The following ANKRD29 variants were observed in gnomAD, a reference collection of about 807,000 sequenced individuals.
ANKRD29 encodes ankyrin repeat domain-containing protein 29.
Under a neutral mutation model 38.0 loss-of-function variants are expected in ANKRD29, and 32 were observed. The observed-to-expected ratio is 0.84, with a 90% CI of 0.64 to 1.13. The LOEUF (loss-of-function observed/expected upper bound fraction) is 1.13. Among genes scored for constraint, ANKRD29 ranks in the 50% most tolerant of loss-of-function variants. ANKRD29 has a pLI of 0.00. For missense variants in ANKRD29, 357 were observed against 377.9 expected (o/e 0.94, Z 0.46); for synonymous variants, 135 against 152.4 (o/e 0.89, Z 0.84).
chr18:23,651,162 C>A (rs1414517363), intron 1 of ANKRD29, among the ~76,000 whole-genome samples: 5 of 152,172 alleles, frequency 3.3e-5, no homozygotes, highest in African/African-American at 7.2e-5. Context: ...CAGGCGTACG[C>A]CCTTGTACAT....
At position 23,645,297 on chromosome 18, in the gene ANKRD29, T is replaced by A. The variant is rs565486150; in HGVS notation, c.231+892A>T. The stretch of plus-strand genomic sequence containing the variant: ...TTTCTCAGAATTGAGCCCCAAAGTA[T>A]GTTAAAATGTCCCAGCCTAGGCAAT... On this transcript the variant is annotated intron_variant, in intron 3 of 9. Transcript: ENST00000592179. Among the ~76,000 whole-genome samples, 13 of 152,292 alleles carry A rather than the reference T, an allele frequency of 8.5e-5. No individual in the cohort carries two copies. In the South Asian group the frequency reaches 2.7e-3, roughly 32 times the overall value.
At chr18:23,631,600 T>C (rs1487579806) in intron 5 of ANKRD29, among the ~76,000 whole-genome samples, 1 of 152,060 alleles carries the variant, frequency 6.6e-6, no homozygotes, top group African/African-American at 2.4e-5. Context: ...AAAAGAACCC[T>C]GAAAGATGTT....
At chr18:23,662,620 C>G in intron 1 of ANKRD29, 90 bp downstream of exon 1, 1 of 406,726 alleles carries the variant, frequency 2.5e-6, no homozygotes, top group African/African-American at 2.4e-5. Context: ...AGCGCCCACC[C>G]CATCCCACCC....
chr18:23,650,929 A>AT (rs2060203139), intron 1 of ANKRD29, among the ~76,000 whole-genome samples: 1 of 152,210 alleles, frequency 6.6e-6, no homozygotes, highest in Admixed American at 6.5e-5. Flanking sequence ...TAATGAAAGC[A>AT]TTTTTTGTGA....
chr18:23,636,629 A>C (rs1048501307), intron 4 of ANKRD29, among the ~76,000 whole-genome samples: 8 of 152,076 alleles, frequency 5.3e-5, no homozygotes, highest in African/African-American at 1.9e-4. Context: ...GCTGGAGTGC[A>C]GTGGCGCAAT....
In ANKRD29 at chr18:23,631,040, AC is replaced by A. The variant is rs1170533103; in HGVS notation, c.430-1090del. On this transcript the variant is annotated intron_variant, in intron 5 of 9. Transcript: ENST00000592179. ...GTGTCCTTTTAATTAGATCTTTCCT[AC>A]CCTTTTCTCTTTCTTGTCCCCTTAT... is the stretch of plus-strand genomic sequence containing the variant. Among the ~76,000 whole-genome samples, 15 of 151,414 alleles carry A rather than the reference AC, an allele frequency of 9.9e-5. No homozygotes were observed. In the South Asian group the frequency reaches 1.9e-3, roughly 19 times the overall value.
intron 9 of ANKRD29, among the ~76,000 whole-genome samples, chr18:23,606,676 T>C (rs1670741691): frequency 6.6e-6 from 1 of 152,056 alleles, no homozygotes; most frequent in African/African-American, 2.4e-5. Flanking sequence ...GGATCCCACT[T>C]TGAGAAATGT....
At position 23,601,022 on chromosome 18, in the gene ANKRD29, T is replaced by C. The variant is rs969785633; in HGVS notation, c.*204A>G. 9.1e-5 allele frequency: 44 copies of C among 485,782 alleles called. No individual in the cohort carries two copies. The highest frequency in any genetic ancestry group is 1.1e-4 in the Non-Finnish European group (29 of 270,918). 30.1% of individuals were successfully genotyped at this position (485,782 alleles called of 1,614,324 possible). On this transcript the variant is annotated 3_prime_UTR_variant, in exon 10 of 10. Coordinates refer to ENST00000592179, the MANE Select transcript of ANKRD29 (RefSeq NM_173505.4). The stretch of plus-strand genomic sequence containing the variant: ...GTTACAGGACACCATGAGAAGTCCA[T>C]GGTGAAGGGGCAAGAGGGTCCCTGA...
At chr18:23,618,540 A>C (rs2059752552) in intron 7 of ANKRD29, 1 of 152,212 alleles carries the variant, frequency 6.6e-6, no homozygotes, top group Admixed American at 6.5e-5. Context: ...AGACCGTGCC[A>C]CTGCACTCCA....
chr18:23,646,231 C>T lies in ANKRD29; in HGVS notation c.189G>A (p.Arg63=). The change falls in exon 3 of 10, where the codon AGG becomes AGA. Residue 63 remains arginine, a synonymous_variant. Coordinates refer to ENST00000592179, the MANE Select transcript of ANKRD29 (RefSeq NM_173505.4). ...TGTCTGCTCCTTGCAGAACCAGTTC[C>T]CTCACACAGTCTATGTGGCCAGCGT... The part of the protein sequence containing the change: ...AAYAGHIDCV[R]ELVLQGADIN... 1 of 1,614,160 alleles carries T rather than the reference C, an allele frequency of 6.2e-7. No individual in the cohort carries two copies. Among genetic ancestry groups the T allele is most frequent in the Non-Finnish European group, 8.5e-7 (1 of 1,180,024 alleles).
intron 3 of ANKRD29, among the ~76,000 whole-genome samples, chr18:23,641,955 T>C (rs1023956693): frequency 6.6e-6 from 1 of 152,082 alleles, no homozygotes; most frequent in Middle Eastern, 3.4e-3. Context: ...CCTCAGATCA[T>C]CAGGATGACT....
intron 9 of ANKRD29, among the ~76,000 whole-genome samples, chr18:23,606,202 C>G (rs1599054598): frequency 6.6e-6 from 1 of 152,276 alleles, no homozygotes; most frequent in East Asian, 1.9e-4. Context: ...GCCTTGAACT[C>G]CTGGGTTCAA....
In ANKRD29 at chr18:23,621,745, G is replaced by A. The variant is rs547218580; in HGVS notation, c.529-2116C>T. The stretch of plus-strand genomic sequence containing the variant: ...ACTGGAGTACAGTGGCATGATCAAG[G>A]CTCACTGTAGCCTCAACATCCTGGG... On this transcript the variant is annotated intron_variant, in intron 6 of 9. Transcript: ENST00000592179. 3.3e-5 allele frequency among the ~76,000 whole-genome samples: 5 copies of A among 152,196 alleles called. No individual in the cohort carries two copies. In the South Asian group the frequency reaches 8.3e-4, roughly 25 times the overall value.
intron 1 of ANKRD29, among the ~76,000 whole-genome samples, chr18:23,661,564 T>C (rs2060361927): frequency 6.6e-6 from 1 of 152,090 alleles, no homozygotes; most frequent in African/African-American, 2.4e-5. Context: ...AAAAATTAGC[T>C]GGGCATGGTG....
At chr18:23,613,444 T>C (rs2145644966) in intron 8 of ANKRD29, among the ~76,000 whole-genome samples, 1 of 152,108 alleles carries the variant, frequency 6.6e-6, no homozygotes, top group South Asian at 2.1e-4. Context: ...AGGGCTGGGA[T>C]TACAGGTGTG....
At chr18:23,616,415 G>A (rs1415156995) in intron 8 of ANKRD29, among the ~76,000 whole-genome samples, 1 of 149,556 alleles carries the variant, frequency 6.7e-6, no homozygotes, top group Non-Finnish European at 1.5e-5. Context: ...TGTAGTCCCA[G>A]CCGAGGCAGG....
intron 9 of ANKRD29, among the ~76,000 whole-genome samples, chr18:23,603,541 G>A (rs550756077): frequency 8.5e-5 from 13 of 152,348 alleles, no homozygotes; most frequent in Non-Finnish European, 1.6e-4. Context: ...GCTGAGGCAG[G>A]AGAATCCCTT....
At chr18:23,611,750 T>C (rs923861442) in intron 9 of ANKRD29, among the ~76,000 whole-genome samples, 1 of 152,072 alleles carries the variant, frequency 6.6e-6, no homozygotes, top group African/African-American at 2.4e-5. Context: ...ATGGGGAACC[T>C]GGTGCTAAAC....
intron 3 of ANKRD29, among the ~76,000 whole-genome samples, chr18:23,645,568 C>T (rs939017845): frequency 6.6e-6 from 1 of 152,066 alleles, no homozygotes; most frequent in African/African-American, 2.4e-5. Flanking sequence ...GGCGAGACTC[C>T]ATCTTAAAAA....
Sources: allele counts gnomAD v4.1 joint callset (sites outside exome capture counted in the v4.1 genomes callset), GRCh38; gene constraint gnomAD v4.1.1; transcripts MANE v1.5; gene names NCBI Gene and HGNC (gene_info 2026-07-23, HGNC 2026-07-21).